Variants in ZBTB49 observed in about 807,000 individuals in gnomAD.
ZBTB49 encodes the protein zinc finger and BTB domain containing 49.
In ZBTB49, 43 loss-of-function variants were observed where a neutral mutation model predicts 57.5. The ratio of observed to expected loss-of-function variants is 0.75; its 90% CI spans 0.59 to 0.97. The LOEUF (loss-of-function observed/expected upper bound fraction) is 0.97, where lower values mean the gene tolerates loss of function less well. ZBTB49 is among the 50% of genes least tolerant of loss of function. ZBTB49 has a pLI of 0.00. For missense variants in ZBTB49, 938 were observed against 947.7 expected (o/e 0.99, Z 0.13); for synonymous variants, 369 against 362.1 (o/e 1.02, Z -0.22).
At chr4:4,320,614 A>G in intron 7 of ZBTB49, 26 bp from the exon 8 acceptor site, 1 of 1,612,894 alleles carries the variant, frequency 6.2e-7, no homozygotes, top group South Asian at 1.1e-5. Context: ...GTTTAAGTAA[A>G]TAAATAACTG....
At chr4:4,303,784 CTA>C (rs35257963) in intron 3 of ZBTB49, among the ~76,000 whole-genome samples, 21 of 145,804 alleles carry the variant, frequency 1.4e-4, no homozygotes, top group African/African-American at 5.4e-4. Context: ...CTCTCTCTCT[CTA>C]TATATATATC....
Position 4,294,872 on chromosome 4 carries a change from C to CGTGTGTGTGTGT in ZBTB49, c.-20+4553_-20+4564dup, listed in dbSNP as rs10626183. Among the ~76,000 whole-genome samples, 1,130 of 138,076 alleles carry CGTGTGTGTGTGT rather than the reference C, an allele frequency of 8.2e-3. 8 individuals are homozygous for CGTGTGTGTGTGT. Among genetic ancestry groups the CGTGTGTGTGTGT allele is most frequent in the Non-Finnish European group, 0.011 (721 of 63,824 alleles). The allele number at this position is 138,076 out of a possible 152,430, so 90.6% of individuals were successfully genotyped here. A position where few individuals can be genotyped will look rare whatever the true frequency, so the allele number is the denominator to read the frequency against. On this transcript the variant is annotated intron_variant, in intron 1 of 7. Coordinates refer to ENST00000337872, the MANE Select transcript of ZBTB49 (RefSeq NM_145291.4). ...TTAACAGGTCTGTGGAGGAGGGTTT[C>CGTGTGTGTGTGT]GTGTGTGTGTGTGTGTGTGTGTGTG...
At chr4:4,300,148 T>A in intron 2 of ZBTB49, 51 bp downstream of exon 2, 1 of 1,589,256 alleles carries the variant, frequency 6.3e-7, no homozygotes, top group Non-Finnish European at 8.6e-7. Flanking sequence ...GGTAAAGCTC[T>A]TTTAGTATGG....
At chr4:4,295,567 C>A (rs143433204) in intron 1 of ZBTB49, among the ~76,000 whole-genome samples, 44 of 152,302 alleles carry the variant, frequency 2.9e-4, no homozygotes, top group African/African-American at 1.0e-3. Context: ...CCTTTTCAGG[C>A]AACCAGCTTG....
chr4:4,302,866 A>G lies in ZBTB49; in HGVS notation c.1030A>G (p.Thr344Ala). 2 of 1,613,854 alleles carry G rather than the reference A, an allele frequency of 1.2e-6. No homozygotes were observed. Among genetic ancestry groups the G allele is most frequent in the South Asian group, 1.1e-5 (1 of 91,076 alleles). Residue 344 changes from threonine (T) to alanine (A), a missense_variant, in exon 3 of 8, where the codon ACC becomes GCC. This residue lies in a region of ZBTB49 where 835 missense variants were observed against 819.1 expected (regional missense o/e 1.02). Transcript: ENST00000337872. The part of the protein sequence containing the change: ...TKRLESASKN[T>A]LEKASSQSAE... ...GAGGTTGGAATCTGCTAGTAAAAAT[A>G]CCCTAGAGAAAGCTAGCAGCCAAAG...
intron 3 of ZBTB49, among the ~76,000 whole-genome samples, chr4:4,304,738 T>C (rs1482866156): frequency 6.6e-6 from 1 of 152,186 alleles, no homozygotes; most frequent in Non-Finnish European, 1.5e-5. Context: ...CAAAATTGTC[T>C]AAGATGTTAG....
At chr4:4,318,894 CTTTT>C (rs113390733) in intron 7 of ZBTB49, among the ~76,000 whole-genome samples, 5 of 130,946 alleles carry the variant, frequency 3.8e-5, no homozygotes, top group Admixed American at 8.0e-5. Context: ...TTTTTTTAAT[CTTTT>C]TTTTTTTTTT....
intron 4 of ZBTB49, among the ~76,000 whole-genome samples, chr4:4,307,676 C>A (rs1720799639): frequency 6.6e-6 from 1 of 152,132 alleles, no homozygotes; most frequent in Non-Finnish European, 1.5e-5. Flanking sequence ...CTTTCTGAGG[C>A]ACCTCCCCGC....
At chr4:4,320,477 AATGTAT>A (rs1721360393) in intron 7 of ZBTB49, among the ~76,000 whole-genome samples, 157 bp from the exon 8 acceptor site, 1 of 151,774 alleles carries the variant, frequency 6.6e-6, no homozygotes, top group South Asian at 2.1e-4. Context: ...GTCTCTACAA[AATGTAT>A]ATGTATATTA....
Position 4,294,052 on chromosome 4 carries a change from A to G in ZBTB49, c.-20+3700A>G, listed in dbSNP as rs181941444. 2.8e-3 allele frequency among the ~76,000 whole-genome samples: 429 copies of G among 152,328 alleles called. 1 individual carries two copies. The highest frequency in any genetic ancestry group is 4.7e-3 in the Non-Finnish European group (322 of 68,028). On this transcript the variant is annotated intron_variant, in intron 1 of 7. Transcript: ENST00000337872. Reference sequence around the variant, plus strand: ...TAAAATGTGGATAATAGTAGCACCTATCTTATGGTAAATGAGTTAATAAGT... The same window carrying G: ...TAAAATGTGGATAATAGTAGCACCTGTCTTATGGTAAATGAGTTAATAAGT...
In ZBTB49 at chr4:4,302,397, A is replaced by G. The variant is rs1346046216; in HGVS notation, c.561A>G (p.Ala187=). 3 of 1,614,128 alleles carry G rather than the reference A, an allele frequency of 1.9e-6. No individual in the cohort carries two copies. The highest frequency in any genetic ancestry group is 4.5e-5 in the East Asian group (2 of 44,904). ...CATCAGTTAATCGTCATCACTCCGC[A>G]GGTGAAATCTCAAAACAAGCTCCTG... ...ASPSVNRHHS[A]GEISKQAPDT... The change falls in exon 3 of 8, where the codon GCA becomes GCG. Residue 187 remains alanine (A), a synonymous_variant. Transcript: ENST00000337872.
rs1161341738 is a variant in ZBTB49 at position 4,302,396 on chromosome 4, C to T, written c.560C>T (p.Ala187Val). The change falls in exon 3 of 8, where the codon GCA becomes GTA. Residue 187 changes from alanine to valine, a missense_variant. Ala to Val is a moderately conservative substitution (Grantham distance 64). This residue lies in a region of ZBTB49 where 835 missense variants were observed against 819.1 expected (regional missense o/e 1.02). Coordinates refer to ENST00000337872, the MANE Select transcript of ZBTB49 (RefSeq NM_145291.4). ...ASPSVNRHHSAGEISKQAPDT... is the reference protein window; with the variant it reads ...ASPSVNRHHSVGEISKQAPDT... Reference sequence around the variant, plus strand: ...CCATCAGTTAATCGTCATCACTCCGCAGGTGAAATCTCAAAACAAGCTCCT... The same window carrying T: ...CCATCAGTTAATCGTCATCACTCCGTAGGTGAAATCTCAAAACAAGCTCCT... 6.2e-7 allele frequency: 1 copy of T among 1,614,130 alleles called. No homozygotes were observed. Among genetic ancestry groups the T allele is most frequent in the Non-Finnish European group, 8.5e-7 (1 of 1,180,050 alleles).
At chr4:4,294,607 G>A (rs753678500) in intron 1 of ZBTB49, among the ~76,000 whole-genome samples, 14 of 151,988 alleles carry the variant, frequency 9.2e-5, no homozygotes, top group Admixed American at 4.6e-4. Context: ...CGCCTGCCTC[G>A]GCCTCCCAAA....
chr4:4,321,209 G>A lies in ZBTB49; in HGVS notation c.2191G>A (p.Ala731Thr). The change falls in exon 8 of 8, where the codon GCA (alanine) becomes ACA (threonine). Residue 731 changes from alanine to threonine, a missense_variant. By Grantham distance (58) the Ala-to-Thr change is moderately conservative (BLOSUM62 0). Coordinates refer to ENST00000337872, the MANE Select transcript of ZBTB49 (RefSeq NM_145291.4). ...NHGGDPLGSR[A>T]SSTTYRNSEG... ...CGGCGGTGACCCCCTGGGCAGTCGA[G>A]CATCTTCCACCACTTATAGGAACTC... 6.2e-7 allele frequency: 1 copy of A among 1,614,204 alleles called. No individual in the cohort carries two copies. The highest frequency in any genetic ancestry group is 1.3e-5 in the African/African-American group (1 of 75,046).
chr4:4,311,695 T>G (rs545120749), intron 4 of ZBTB49, among the ~76,000 whole-genome samples: 1 of 152,328 alleles, frequency 6.6e-6, no homozygotes, highest in South Asian at 2.1e-4. Context: ...AAGGCCTAAT[T>G]TGAAGTTCAG....
intron 2 of ZBTB49, among the ~76,000 whole-genome samples, chr4:4,301,317 G>A (rs1391013092): frequency 1.3e-5 from 2 of 152,204 alleles, no homozygotes; most frequent in Non-Finnish European, 2.9e-5. Flanking sequence ...GGGCTTTAGA[G>A]TGCATTTTGG....
intron 4 of ZBTB49, among the ~76,000 whole-genome samples, chr4:4,312,632 A>G (rs1721021191): frequency 6.6e-6 from 1 of 152,270 alleles, no homozygotes; most frequent in African/African-American, 2.4e-5. Flanking sequence ...CAATACTGAA[A>G]TAAGGACGTA....
In ZBTB49 at chr4:4,314,475, G is replaced by A. The variant is rs140107693; in HGVS notation, c.1377-1161G>A. 3.5e-3 allele frequency among the ~76,000 whole-genome samples: 531 copies of A among 152,328 alleles called. 1 individual carries two copies. The highest frequency in any genetic ancestry group is 0.012 in the African/African-American group (507 of 41,576). ...CAACCTCCACCCCCTGGGTTCAAGC[G>A]ATTCTCCTGCCTCTGCCTCCCAAGT... On this transcript the variant is annotated intron_variant, in intron 5 of 7. Coordinates refer to ENST00000337872, the MANE Select transcript of ZBTB49 (RefSeq NM_145291.4).
chr4:4,320,832 C>G lies in ZBTB49; in HGVS notation c.1814C>G (p.Thr605Ser). Residue 605 changes from threonine to serine, a missense_variant, in exon 8 of 8, where the codon ACC becomes AGC. By Grantham distance (58) the Thr-to-Ser change is moderately conservative. Transcript: ENST00000337872. ...VLEELSQAIE[T>S]SDLEKSQSSD... is the part of the protein sequence containing the mutation. The stretch of plus-strand genomic sequence containing the variant: ...GAGGAGCTCAGCCAAGCCATCGAGA[C>G]CTCCGACCTCGAGAAATCTCAGAGC... The G allele has an allele frequency of 1.9e-6, 3 of 1,614,196 alleles. No homozygotes were observed. The South Asian group carries it at 3.3e-5, about 18-fold the overall frequency.
Sources: gnomAD v4.1 joint callset for allele counts (sites outside exome capture counted in the v4.1 genomes callset) on GRCh38, gnomAD v4.1.1 for gene constraint, gnomAD v4.1.1 regional missense constraint, MANE v1.5 for transcripts, NCBI Gene and HGNC (gene_info 2026-07-23, HGNC 2026-07-21) for gene names.